MYLK: variants seen among roughly 807,000 people sequenced by gnomAD.
MYLK encodes the protein myosin light chain kinase, smooth muscle.
Under a neutral mutation model 203.4 loss-of-function variants are expected in MYLK, and 106 were observed. That is an observed-to-expected ratio of 0.52 (90% CI 0.45 to 0.61). MYLK has a LOEUF of 0.61. MYLK is among the 20% of genes least tolerant of loss of function. The probability of loss-of-function intolerance (pLI) is 0.00; values close to 1 mark genes in which losing one functional copy is unlikely to be tolerated. For synonymous variants in MYLK, 867 were observed against 959.5 expected (o/e 0.90, Z 1.78); for missense variants, 2,072 against 2,442.3 (o/e 0.85, Z 3.20).
At chr3:123,673,988 G>A (rs937213951) in intron 20 of MYLK, among the ~76,000 whole-genome samples, 1 of 151,998 alleles carries the variant, frequency 6.6e-6, no homozygotes, top group Admixed American at 6.5e-5. Context: ...TGTGCTCATC[G>A]CTGCCCTTTG....
chr3:123,677,884 AATATATATATATATATATATATATAT>A (rs3085284), intron 20 of MYLK, among the ~76,000 whole-genome samples: 4 of 53,566 alleles, frequency 7.5e-5, no homozygotes, highest in Admixed American at 5.5e-4. Flanking sequence ...TAAATAAATG[AATATATATATATATATATATATATAT>A]ATATATATAC....
rs747326867 is a variant in MYLK at position 123,614,352 on chromosome 3, G to A, written c.5501-3C>T. 11 of 1,613,992 alleles carry A rather than the reference G, an allele frequency of 6.8e-6. No individual in the cohort carries two copies. In the South Asian group the frequency reaches 1.1e-4, roughly 16 times the overall value. ...GACAACCTCGGGGTCTGGGTATCCT[G>A]CATCACAGGGAGAGAACACAAGTTG... On this transcript the variant is annotated splice_region_variant and splice_polypyrimidine_tract_variant and intron_variant, in intron 33 of 33. Transcript: ENST00000360304.
In MYLK at chr3:123,725,978, C is replaced by T. The variant is rs2108757003; in HGVS notation, c.1617G>A (p.Gly539=). Reference sequence around the variant, plus strand: ...GCCAAGTGATCCGGGGCACTGGGGTCCCCCGTACGGAGCACTGCAGCACAA... The same window carrying T: ...GCCAAGTGATCCGGGGCACTGGGGTTCCCCGTACGGAGCACTGCAGCACAA... The part of the protein sequence containing the change: ...QDFVLQCSVR[G]TPVPRITWLL... The change falls in exon 12 of 34, where the codon GGG becomes GGA. Residue 539 remains glycine (G), a synonymous_variant. Transcript: ENST00000360304. 6.2e-7 allele frequency: 1 copy of T among 1,614,126 alleles called. No individual in the cohort carries two copies. Among genetic ancestry groups the T allele is most frequent in the Non-Finnish European group, 8.5e-7 (1 of 1,179,994 alleles).
intron 1 of MYLK, among the ~76,000 whole-genome samples, chr3:123,883,436 C>T (rs896124616): frequency 6.6e-6 from 1 of 152,066 alleles, no homozygotes; most frequent in Non-Finnish European, 1.5e-5. Context: ...ACACACACAC[C>T]CCAATCTAAA....
intron 2 of MYLK, among the ~76,000 whole-genome samples, chr3:123,871,562 TTTAGA>T (rs1324504151): frequency 6.6e-5 from 10 of 152,148 alleles, no homozygotes; most frequent in African/African-American, 2.4e-4. Context: ...TATTCTGTCT[TTTAGA>T]TTAAATAGAC....
intron 4 of MYLK, among the ~76,000 whole-genome samples, chr3:123,790,234 A>G (rs139373878): frequency 6.6e-6 from 1 of 152,334 alleles, no homozygotes; most frequent in Non-Finnish European, 1.5e-5. Flanking sequence ...TGAGAGCACC[A>G]GTGATGTCTT....
At chr3:123,643,681 G>T (rs1190783834) in intron 27 of MYLK, among the ~76,000 whole-genome samples, 1 of 152,186 alleles carries the variant, frequency 6.6e-6, no homozygotes, top group Admixed American at 6.5e-5. Context: ...AATTAATGGT[G>T]AGTGAGTGAA....
At chr3:123,877,771 A>C (rs1430232021) in intron 1 of MYLK, among the ~76,000 whole-genome samples, 1 of 152,206 alleles carries the variant, frequency 6.6e-6, no homozygotes, top group Non-Finnish European at 1.5e-5. Context: ...CCAAGTGATT[A>C]CGAAAATGAT....
At chr3:123,746,789 T>G (rs1427193409) in intron 5 of MYLK, among the ~76,000 whole-genome samples, 1 of 119,976 alleles carries the variant, frequency 8.3e-6, no homozygotes, top group Non-Finnish European at 1.8e-5. Context: ...CAGAGCATTT[T>G]AAGATTCTGC....
chr3:123,637,028 C>CT (rs1482812385), intron 29 of MYLK, among the ~76,000 whole-genome samples: 1 of 152,240 alleles, frequency 6.6e-6, no homozygotes, highest in African/African-American at 2.4e-5. Flanking sequence ...AGAACCTTCT[C>CT]TCACACTGGA....
At chr3:123,614,781 C>T (rs114072003) in intron 33 of MYLK, among the ~76,000 whole-genome samples, 3,921 of 151,678 alleles carry the variant, frequency 0.026, 110 homozygotes, top group South Asian at 0.036. Context: ...CATGAGCGAC[C>T]GTGCTCAGTT....
chr3:123,857,068 A>T (rs1218049568), intron 2 of MYLK, among the ~76,000 whole-genome samples: 1 of 152,226 alleles, frequency 6.6e-6, no homozygotes, highest in Non-Finnish European at 1.5e-5. Context: ...ACTGGCCATC[A>T]GAGAAATGCA....
intron 5 of MYLK, among the ~76,000 whole-genome samples, chr3:123,751,537 T>C (rs968630116): frequency 6.6e-6 from 1 of 152,222 alleles, no homozygotes; most frequent in African/African-American, 2.4e-5. Context: ...GCATGTATTA[T>C]TTCATAATGA....
chr3:123,797,706 A>C (rs1453791195), intron 3 of MYLK, among the ~76,000 whole-genome samples: 1 of 152,242 alleles, frequency 6.6e-6, no homozygotes, highest in East Asian at 1.9e-4. Context: ...AAGGTGCTCC[A>C]ACCCTCTTGG....
At chr3:123,808,832 T>C (rs2065458233) in intron 3 of MYLK, among the ~76,000 whole-genome samples, 1 of 152,230 alleles carries the variant, frequency 6.6e-6, no homozygotes, top group African/African-American at 2.4e-5. Flanking sequence ...ACTGTATTAC[T>C]TTCATTTTAA....
intron 3 of MYLK, among the ~76,000 whole-genome samples, chr3:123,814,934 A>C (rs1048078793): frequency 6.6e-6 from 1 of 152,022 alleles, no homozygotes; most frequent in Non-Finnish European, 1.5e-5. Context: ...CTAGGACTAC[A>C]GGCACCTGAC....
chr3:123,783,894 C>T (rs1414871462), intron 4 of MYLK, among the ~76,000 whole-genome samples: 2 of 152,158 alleles, frequency 1.3e-5, no homozygotes, highest in African/African-American at 2.4e-5. Flanking sequence ...CTTACGGTGC[C>T]TCCCTCTTCC....
intron 19 of MYLK, among the ~76,000 whole-genome samples, chr3:123,687,053 C>G (rs1448158293): frequency 6.6e-6 from 1 of 152,082 alleles, no homozygotes; most frequent in Non-Finnish European, 1.5e-5. Context: ...GAAACCCCTT[C>G]TCTACTAAAA....
chr3:123,634,521 G>A (rs1448351493), intron 29 of MYLK, among the ~76,000 whole-genome samples: 2 of 152,232 alleles, frequency 1.3e-5, no homozygotes, highest in Non-Finnish European at 2.9e-5. Flanking sequence ...ACACCAGGGT[G>A]GGGAGGGACA....
Sources: gnomAD v4.1 joint callset for allele counts (sites outside exome capture counted in the v4.1 genomes callset) on GRCh38, gnomAD v4.1.1 for gene constraint, MANE v1.5 for transcripts, NCBI Gene and HGNC (gene_info 2026-07-23, HGNC 2026-07-21) for gene names.